SC5D: variants seen among roughly 807,000 people sequenced by gnomAD.
The protein encoded by SC5D is lathosterol oxidase.
Under a neutral mutation model 23.9 loss-of-function variants are expected in SC5D, and 21 were observed. The observed-to-expected ratio is 0.88, with a 90% confidence interval of 0.62 to 1.26. SC5D has a LOEUF of 1.26. Ranked by LOEUF, SC5D falls within the 50% of genes most tolerant of loss-of-function variation. The pLI is 0.00. For synonymous variants in SC5D, 113 were observed against 125.9 expected (o/e 0.90, Z 0.68); for missense variants, 309 against 364.8 (o/e 0.85, Z 1.25).
At chr11:121,297,883 G>A (rs1464330920) in intron 1 of SC5D, among the ~76,000 whole-genome samples, 1 of 152,198 alleles carries the variant, frequency 6.6e-6, no homozygotes, top group Non-Finnish European at 1.5e-5. Context: ...AAGCAGTGTG[G>A]TGAAAAATAT....
chr11:121,300,819 A>T (rs1314094642), intron 1 of SC5D, among the ~76,000 whole-genome samples: 1 of 152,242 alleles, frequency 6.6e-6, no homozygotes, highest in South Asian at 2.1e-4. Context: ...TATTGAAAGC[A>T]TGGCCCAACA....
At chr11:121,301,155 G>A (rs1188907294) in intron 1 of SC5D, among the ~76,000 whole-genome samples, 1 of 152,126 alleles carries the variant, frequency 6.6e-6, no homozygotes, top group South Asian at 2.1e-4. Flanking sequence ...CTCTCTCTCA[G>A]AAAGCCCAGA....
At position 121,307,553 on chromosome 11, in the gene SC5D, A is replaced by G. The variant is rs184677354; in HGVS notation, c.*41A>G. The G allele has an allele frequency of 8.4e-5, 111 of 1,322,794 alleles. 1 individual carries two copies. The East Asian group carries it at 1.6e-3, about 19-fold the overall frequency. The allele number at this position is 1,322,794 out of a possible 1,614,324, so 81.9% of individuals were successfully genotyped here. On this transcript the variant is annotated 3_prime_UTR_variant, in exon 5 of 5. Coordinates refer to ENST00000264027, the MANE Select transcript of SC5D (RefSeq NM_006918.5). ...TTCTTAAGTAAGGACAAAGAAGGAA[A>G]TATCATCGTATTTCTTTTTTTTAAT...
intron 1 of SC5D, among the ~76,000 whole-genome samples, chr11:121,295,584 G>C (rs955980431): frequency 1.3e-5 from 2 of 152,136 alleles, no homozygotes; most frequent in East Asian, 1.9e-4. Context: ...TGTGAGGGAG[G>C]GATGTAGCTT....
At position 121,307,128 on chromosome 11, in the gene SC5D, T is replaced by G; in HGVS notation, c.516T>G (p.Asp172Glu). ...CAAGTCATGCTTTTCACCCTATTGA[T>G]GGCTTTCTTCAGAGTCTACCTTACC... Reference protein sequence around the residue: ...PFASHAFHPIDGFLQSLPYHI... With the variant: ...PFASHAFHPIEGFLQSLPYHI... The change falls in exon 5 of 5, where the codon GAT becomes GAG. Residue 172 changes from aspartate to glutamate, a missense_variant. Physicochemically the swap from Asp to Glu is conservative, Grantham distance 45. Transcript: ENST00000264027. 6.2e-7 allele frequency: 1 copy of G among 1,614,198 alleles called. No homozygotes were observed. The highest frequency in any genetic ancestry group is 8.5e-7 in the Non-Finnish European group (1 of 1,180,008).
At chr11:121,293,673 G>T (rs1387882543) in intron 1 of SC5D, among the ~76,000 whole-genome samples, 2 of 152,186 alleles carry the variant, frequency 1.3e-5, no homozygotes, top group African/African-American at 2.4e-5. Flanking sequence ...AAACCCTCTG[G>T]AAGTTATTTG....
rs1591507881 is a variant in SC5D at position 121,312,358 on chromosome 11, A to G, written c.*4846A>G. Among the ~76,000 whole-genome samples the G allele has an allele frequency of 6.6e-6, 1 of 152,240 alleles. No individual in the cohort carries two copies. Among genetic ancestry groups the G allele is most frequent in the African/African-American group, 2.4e-5 (1 of 41,474 alleles). On this transcript the variant is annotated 3_prime_UTR_variant, in exon 5 of 5. Coordinates refer to ENST00000264027, the MANE Select transcript of SC5D (RefSeq NM_006918.5). ...AAGCTCAACTTGAAGATATAAGAAC[A>G]GTAAATTTGATAAAAATGAGAAATT...
chr11:121,304,540 G>A (rs748913922), intron 3 of SC5D, 47 bp downstream of exon 3: 1 of 1,567,888 alleles, frequency 6.4e-7, no homozygotes, highest in Non-Finnish European at 8.7e-7. Context: ...CTAAGCACAG[G>A]TTAGTTTCCT....
intron 1 of SC5D, among the ~76,000 whole-genome samples, chr11:121,301,122 A>G (rs1947923266): frequency 6.6e-6 from 1 of 152,158 alleles, no homozygotes; most frequent in Non-Finnish European, 1.5e-5. Context: ...TGTACACACA[A>G]AAAGGCAATC....
intron 1 of SC5D, among the ~76,000 whole-genome samples, chr11:121,296,132 A>G (rs1052861584): frequency 1.3e-5 from 2 of 152,104 alleles, no homozygotes; most frequent in African/African-American, 4.8e-5. Flanking sequence ...CAGCCTCCCA[A>G]AGTGCTGGGA....
At chr11:121,293,750 T>C (rs1565565957) in intron 1 of SC5D, among the ~76,000 whole-genome samples, 1 of 152,362 alleles carries the variant, frequency 6.6e-6, no homozygotes, top group East Asian at 1.9e-4. Context: ...AACTGATCCT[T>C]GATCATTTAC....
intron 1 of SC5D, among the ~76,000 whole-genome samples, chr11:121,297,001 G>A (rs1947893988): frequency 6.6e-6 from 1 of 152,168 alleles, no homozygotes; most frequent in African/African-American, 2.4e-5. Flanking sequence ...ATGGAATGAT[G>A]CTCAACTTTA....
rs1020550659 is a variant in SC5D, at chr11:121,310,562, A to G, written c.*3050A>G. Among the ~76,000 whole-genome samples, 9 of 147,248 alleles carry G rather than the reference A, an allele frequency of 6.1e-5. No individual in the cohort carries two copies. The highest frequency in any genetic ancestry group is 2.3e-4 in the African/African-American group (9 of 39,480). ...AAGCTCCACCTCCCGGGTTCACGCC[A>G]TTCTCCTGCCTCAGCCTCCCGAGTA... On this transcript the variant is annotated 3_prime_UTR_variant, in exon 5 of 5. Coordinates refer to ENST00000264027, the MANE Select transcript of SC5D (RefSeq NM_006918.5).
At chr11:121,306,902 C>T (rs963301391) in intron 4 of SC5D, among the ~76,000 whole-genome samples, 155 bp from the exon 5 acceptor site, 1 of 152,200 alleles carries the variant, frequency 6.6e-6, no homozygotes, top group Non-Finnish European at 1.5e-5. Flanking sequence ...TAAAATTATA[C>T]TGTTTTAGGG....
At chr11:121,293,575 T>A (rs774319033) in intron 1 of SC5D, among the ~76,000 whole-genome samples, 4 of 152,172 alleles carry the variant, frequency 2.6e-5, no homozygotes, top group Non-Finnish European at 4.4e-5. Context: ...CAGAGTAGAT[T>A]TGGAGGTGGT....
At chr11:121,301,239 C>T (rs1947923942) in intron 1 of SC5D, among the ~76,000 whole-genome samples, 1 of 150,342 alleles carries the variant, frequency 6.7e-6, no homozygotes, top group Admixed American at 6.7e-5. Flanking sequence ...CCACGTTTAA[C>T]TAACTAAAAG....
chr11:121,309,656 A>C lies in SC5D; in HGVS notation c.*2144A>C, dbSNP rs1171818871. Among the ~76,000 whole-genome samples the C allele has an allele frequency of 6.6e-6, 1 of 152,242 alleles. No individual in the cohort carries two copies. The highest frequency in any genetic ancestry group is 2.4e-5 in the African/African-American group (1 of 41,460). On this transcript the variant is annotated 3_prime_UTR_variant, in exon 5 of 5. Coordinates refer to ENST00000264027, the MANE Select transcript of SC5D (RefSeq NM_006918.5). ...GGACAGCTTCCTATGGGGAAGACAGAGGCTTCCTCATAGATGTTAGGAATA... is the reference window on the plus strand; with the variant it reads ...GGACAGCTTCCTATGGGGAAGACAGCGGCTTCCTCATAGATGTTAGGAATA...
At chr11:121,306,617 G>GTTATGCATTTT (rs1240235463) in intron 4 of SC5D, 131 bp downstream of exon 4, 2 of 704,544 alleles carry the variant, frequency 2.8e-6, no homozygotes, top group Non-Finnish European at 5.2e-6. Context: ...AATCATAACA[G>GTTATGCATTTT]GTACAGGGTG....
In SC5D at chr11:121,312,246, TG is replaced by T. The variant is rs1197239715; in HGVS notation, c.*4736del. 6.6e-6 allele frequency among the ~76,000 whole-genome samples: 1 copy of T among 152,206 alleles called. No homozygotes were observed. Among genetic ancestry groups the T allele is most frequent in the East Asian group, 1.9e-4 (1 of 5,202 alleles). ...AAGCTTTACTGTCAAAGCAGGCTTT[TG>T]GTATGGGAAGAAAAATACTTATAAA... is the stretch of plus-strand genomic sequence containing the variant. On this transcript the variant is annotated 3_prime_UTR_variant, in exon 5 of 5. Transcript: ENST00000264027.
Sources: allele counts gnomAD v4.1 joint callset (sites outside exome capture counted in the v4.1 genomes callset), GRCh38; gene constraint gnomAD v4.1.1; transcripts MANE v1.5; gene names NCBI Gene and HGNC (gene_info 2026-07-23, HGNC 2026-07-21).